SIRT3: variants seen among roughly 807,000 people sequenced by gnomAD.
SIRT3 encodes the protein NAD-dependent protein deacetylase sirtuin-3, mitochondrial.
SIRT3 carries 26 observed loss-of-function variants against 33.5 expected under a neutral mutation model. The ratio of observed to expected loss-of-function variants is 0.78; its 90% confidence interval spans 0.57 to 1.08. SIRT3 has a LOEUF of 1.08. SIRT3 is among the 50% of genes least tolerant of loss of function. SIRT3 has a pLI of 0.00. For synonymous variants in SIRT3, 237 were observed against 222.1 expected (o/e 1.07, Z -0.60); for missense variants, 585 against 530.1 (o/e 1.10, Z -1.02).
At chr11:232,413 G>A (rs1206089105) in intron 3 of SIRT3, among the ~76,000 whole-genome samples, 3 of 152,068 alleles carry the variant, frequency 2.0e-5, no homozygotes, top group East Asian at 3.9e-4. Flanking sequence ...TCCCACACCT[G>A]TAATCCGGCA....
Position 236,277 on chromosome 11 carries a change from C to T in SIRT3, c.52G>A (p.Val18Ile). The part of the protein sequence containing the change: ...AAAALRLWGR[V>I]VERVEAGGGV... ...CCCCCGGCCTCGACCCGTTCAACTA[C>T]CCGGCCCCACAGCCGGAGGGCTGCC... The change falls in exon 1 of 7, where the codon GTA (valine) becomes ATA (isoleucine). Residue 18 changes from valine (V) to isoleucine (I), a missense_variant. By Grantham distance (29) the Val-to-Ile change is conservative (BLOSUM62 3). Coordinates refer to ENST00000382743, the MANE Select transcript of SIRT3 (RefSeq NM_012239.6). 1 of 1,538,782 alleles carries T rather than the reference C, an allele frequency of 6.5e-7. No individual in the cohort carries two copies. Among genetic ancestry groups the T allele is most frequent in the Non-Finnish European group, 8.7e-7 (1 of 1,148,328 alleles).
In SIRT3 at chr11:219,048, A is replaced by C; in HGVS notation, c.970-7T>G. On this transcript the variant is annotated splice_polypyrimidine_tract_variant and splice_region_variant and intron_variant, in intron 5 of 6. Transcript: ENST00000382743. ...AGCTGGCAAAAGGCTCCACCTGAAA[A>C]ATGGGCCAAACGTGAGGGGCACAGT... 1.2e-6 allele frequency: 2 copies of C among 1,608,374 alleles called. No homozygotes were observed. Among genetic ancestry groups the C allele is most frequent in the Non-Finnish European group, 1.7e-6 (2 of 1,177,446 alleles).
At chr11:224,677 G>A (rs758896151) in intron 4 of SIRT3, among the ~76,000 whole-genome samples, 5 of 152,150 alleles carry the variant, frequency 3.3e-5, no homozygotes, top group Non-Finnish European at 5.9e-5. Context: ...TTTGAGCTTC[G>A]GTGATCATGC....
At chr11:229,853 C>A (rs1306088774) in intron 4 of SIRT3, among the ~76,000 whole-genome samples, 1 of 152,156 alleles carries the variant, frequency 6.6e-6, no homozygotes, top group Non-Finnish European at 1.5e-5. Context: ...GACTCTCAAA[C>A]GAATACTTGC....
At chr11:225,320 G>A (rs916513383) in intron 4 of SIRT3, among the ~76,000 whole-genome samples, 8 of 152,150 alleles carry the variant, frequency 5.3e-5, no homozygotes, top group Non-Finnish European at 7.3e-5. Flanking sequence ...GCTGAGGCAG[G>A]GGAATCACTT....
In SIRT3 at chr11:219,379, C is replaced by T. The variant is rs56187851; in HGVS notation, c.970-338G>A. ...TCTGTTCTCCCTGTCCTCCCCACCT[C>T]GCTGTCTCCCAGCATGACGCAGAGG... On this transcript the variant is annotated intron_variant, in intron 5 of 6. Transcript: ENST00000382743. Among the ~76,000 whole-genome samples the T allele has an allele frequency of 6.8e-4, 104 of 152,258 alleles. 1 individual carries two copies. The highest frequency in any genetic ancestry group is 1.3e-3 in the Non-Finnish European group (88 of 68,036).
intron 5 of SIRT3, among the ~76,000 whole-genome samples, chr11:221,946 G>A (rs990065415): frequency 2.6e-5 from 4 of 151,836 alleles, no homozygotes; most frequent in Non-Finnish European, 4.4e-5. Context: ...CAGTTGGTGG[G>A]ATTAAAAAGT....
chr11:219,564 G>A (rs1023025594), intron 5 of SIRT3, among the ~76,000 whole-genome samples: 4 of 152,066 alleles, frequency 2.6e-5, no homozygotes, highest in Admixed American at 1.3e-4. Flanking sequence ...GGCCTAGCTC[G>A]GTGCCATCAG....
rs1230427594 is a variant in SIRT3 at position 215,284 on chromosome 11, T to G, written c.*1414A>C. Among the ~76,000 whole-genome samples the G allele has an allele frequency of 2.0e-5, 3 of 152,034 alleles. No homozygotes were observed. Among genetic ancestry groups the G allele is most frequent in the Admixed American group, 2.0e-4 (3 of 15,266 alleles). Reference sequence around the variant, plus strand: ...TACAAATATGCCCATGTGCTAGGTGTGGTGGGACACACCTGTAATCCCAGC... The same window carrying G: ...TACAAATATGCCCATGTGCTAGGTGGGGTGGGACACACCTGTAATCCCAGC... On this transcript the variant is annotated 3_prime_UTR_variant, in exon 7 of 7. Transcript: ENST00000382743.
intron 4 of SIRT3, among the ~76,000 whole-genome samples, chr11:229,558 G>C (rs1158635066): frequency 6.7e-6 from 1 of 150,262 alleles, no homozygotes; most frequent in Non-Finnish European, 1.5e-5. Context: ...GAATGCAAGA[G>C]CAGCCTGGCC....
chr11:222,480 G>A (rs1856573389), intron 5 of SIRT3: 1 of 152,476 alleles, frequency 6.6e-6, no homozygotes, highest in South Asian at 2.1e-4. Context: ...CACTGTGCCA[G>A]CGTACCCACT....
In SIRT3 at chr11:216,725, TACAGAAG is replaced by T; in HGVS notation, c.1180-14_1180-8del. Reference sequence around the variant, plus strand: ...ATTTGTCTGGTCCATCAAGCTGGAATACAGAAGACAGAGGGTATCAGCTATCTGTTTA... The same window carrying T: ...ATTTGTCTGGTCCATCAAGCTGGAATACAGAGGGTATCAGCTATCTGTTTA... On this transcript the variant is annotated splice_region_variant and splice_polypyrimidine_tract_variant and intron_variant, in intron 6 of 6. Coordinates refer to ENST00000382743, the MANE Select transcript of SIRT3 (RefSeq NM_012239.6). The T allele has an allele frequency of 6.2e-7, 1 of 1,614,162 alleles. No individual in the cohort carries two copies. Among genetic ancestry groups the T allele is most frequent in the Non-Finnish European group, 8.5e-7 (1 of 1,179,988 alleles).
At chr11:236,901 C>A, upstream of SIRT3, 1 of 682,518 alleles carries the variant, frequency 1.5e-6, no homozygotes, top group Non-Finnish European at 2.6e-6. Flanking sequence ...TGTAACCGAG[C>A]AACCAGCGGG....
At chr11:229,820 T>A (rs78055016) in intron 4 of SIRT3, among the ~76,000 whole-genome samples, 1 of 152,094 alleles carries the variant, frequency 6.6e-6, no homozygotes, top group Non-Finnish European at 1.5e-5. Flanking sequence ...GTAGGTATCA[T>A]ACTCAAAAGA....
chr11:232,673 A>C (rs1421890875), intron 3 of SIRT3, among the ~76,000 whole-genome samples: 1 of 152,156 alleles, frequency 6.6e-6, no homozygotes, highest in Non-Finnish European at 1.5e-5. Context: ...AGAAGAAAAA[A>C]AGAGATCATC....
At chr11:229,935 CA>C (rs1349883467) in intron 4 of SIRT3, among the ~76,000 whole-genome samples, 1 of 152,204 alleles carries the variant, frequency 6.6e-6, no homozygotes, top group Non-Finnish European at 1.5e-5. Context: ...CATGTACAAA[CA>C]AACCAACTGT....
intron 1 of SIRT3, among the ~76,000 whole-genome samples, chr11:234,886 T>G (rs1010007816): frequency 1.5e-4 from 22 of 149,958 alleles, no homozygotes; most frequent in Non-Finnish European, 3.0e-4. Flanking sequence ...GGGATCTTTG[T>G]TTTTTTTTGA....
chr11:236,132 G>T lies in SIRT3; in HGVS notation c.197C>A (p.Pro66His). 2 of 1,575,968 alleles carry T rather than the reference G, an allele frequency of 1.3e-6. No homozygotes were observed. The highest frequency in any genetic ancestry group is 2.4e-5 in the East Asian group (1 of 42,224). ...CTCGGGTCTGGGAGGCCTCTGCAAGGGGCGCGCCGGGTCCAAGGGCTCACC... is the reference window on the plus strand; with the variant it reads ...CTCGGGTCTGGGAGGCCTCTGCAAGTGGCGCGCCGGGTCCAAGGGCTCACC... ...ARGEPLDPAR[P>H]LQRPPRPEVP... The change falls in exon 1 of 7, where the codon CCC becomes CAC. Residue 66 changes from proline to histidine, a missense_variant. Pro to His is a moderately conservative substitution (Grantham distance 77). Transcript: ENST00000382743.
At chr11:229,592 C>T (rs1857630127) in intron 4 of SIRT3, among the ~76,000 whole-genome samples, 1 of 151,888 alleles carries the variant, frequency 6.6e-6, no homozygotes, top group Non-Finnish European at 1.5e-5. Context: ...CCCATCTCTA[C>T]TAGAAATACA....
Sources: gnomAD v4.1 joint callset for allele counts (sites outside exome capture counted in the v4.1 genomes callset) on GRCh38, gnomAD v4.1.1 for gene constraint, MANE v1.5 for transcripts, NCBI Gene and HGNC (gene_info 2026-07-23, HGNC 2026-07-21) for gene names.